The following CCDC14 variants were observed in gnomAD, a reference collection of about 807,000 sequenced individuals.
CCDC14 encodes coiled-coil domain containing 14.
Under a neutral mutation model 81.4 loss-of-function variants are expected in CCDC14, and 71 were observed. The observed-to-expected ratio is 0.87, with a 90% CI of 0.72 to 1.06. The LOEUF is 1.06. Ranked by LOEUF, CCDC14 falls within the 50% of genes least tolerant of loss-of-function variation. The pLI is 0.00. For missense variants in CCDC14, 1,046 were observed against 1,047.3 expected, an observed-to-expected ratio of 1.00 and a Z score of 0.02; for synonymous variants, 332 against 364.8, an observed-to-expected ratio of 0.91 and a Z score of 1.03.
chr3:123,898,818 G>T (rs1367034000), intron 5 of CCDC14, among the ~76,000 whole-genome samples: 1 of 151,916 alleles, frequency 6.6e-6, no homozygotes, highest in African/African-American at 2.4e-5. Flanking sequence ...CTCCTGAGTA[G>T]CTGCGATTAC....
At chr3:123,885,941 T>TA in the CCDC14 span, among the ~76,000 whole-genome samples, 1 of 151,760 alleles carries the variant, frequency 6.6e-6, no homozygotes, top group Non-Finnish European at 1.5e-5. Context: ...TGCTTTTTTT[T>TA]AAAAAAATTA....
chr3:123,948,386 C>T (rs1190724196), intron 7 of CCDC14, among the ~76,000 whole-genome samples: 17 of 152,026 alleles, frequency 1.1e-4, no homozygotes, highest in Admixed American at 1.1e-3. Context: ...GGATTACAGG[C>T]ATGTGCCACC....
chr3:123,929,491 C>A (rs1203985247), intron 12 of CCDC14, among the ~76,000 whole-genome samples: 1 of 151,842 alleles, frequency 6.6e-6, no homozygotes, highest in Non-Finnish European at 1.5e-5. Flanking sequence ...TTTGTAGAGA[C>A]AGGGTTTTGC....
intron 9 of CCDC14, among the ~76,000 whole-genome samples, chr3:123,938,273 CTT>C (rs2036166201): frequency 6.6e-6 from 1 of 151,848 alleles, no homozygotes; most frequent in Non-Finnish European, 1.5e-5. Context: ...TTATCTCTCA[CTT>C]ATACTGATCT....
chr3:123,911,236 T>C (rs1156295712), downstream of CCDC14, among the ~76,000 whole-genome samples: 1 of 152,192 alleles, frequency 6.6e-6, no homozygotes, highest in Non-Finnish European at 1.5e-5. Flanking sequence ...CTGGTAATTC[T>C]ATGGGAGGGT....
chr3:123,931,047 T>TA lies in CCDC14; in HGVS notation c.1778+54dup, dbSNP rs573278986. ...AGGTCTAACATTATTTTGAAGTTTATAAAAACATCTAAAAATAAAAAAGGC... is the reference window on the plus strand; with the variant it reads ...AGGTCTAACATTATTTTGAAGTTTATAAAAAACATCTAAAAATAAAAAAGGC... On this transcript the variant is annotated intron_variant, in intron 12 of 12. Coordinates refer to ENST00000409697, the MANE Select transcript of CCDC14 (RefSeq NM_001366335.1). 1,297 of 1,438,436 alleles carry TA rather than the reference T, an allele frequency of 9.0e-4. 26 individuals carry two copies. The South Asian group carries it at 0.019, about 21-fold the overall frequency. The allele number at this position is 1,438,436 out of a possible 1,614,324, so 89.1% of individuals were successfully genotyped here.
intron 5 of CCDC14, among the ~76,000 whole-genome samples, chr3:123,900,211 G>A (rs2034151287): frequency 6.6e-6 from 1 of 152,122 alleles, no homozygotes; most frequent in Non-Finnish European, 1.5e-5. Context: ...ATAAGAACAA[G>A]GTAGAATTTT....
intron 12 of CCDC14, among the ~76,000 whole-genome samples, chr3:123,920,592 C>T (rs1453110384): frequency 6.6e-6 from 1 of 152,176 alleles, no homozygotes; most frequent in Admixed American, 6.5e-5. Flanking sequence ...ATACTTTATC[C>T]AGCAAAACTG....
intron 7 of CCDC14, among the ~76,000 whole-genome samples, chr3:123,948,348 TCTC>T (rs1419386720): frequency 2.0e-5 from 3 of 151,976 alleles, no homozygotes; most frequent in Non-Finnish European, 2.9e-5. Context: ...TTCAAGTAAT[TCTC>T]CTGCCTCAGC....
At chr3:123,891,922 T>A in the CCDC14 span, among the ~76,000 whole-genome samples, 2 of 152,166 alleles carry the variant, frequency 1.3e-5, no homozygotes, top group Non-Finnish European at 2.9e-5. Context: ...GGACTTACAG[T>A]TACTCATGGC....
At chr3:123,951,115 C>T (rs772204875) in intron 5 of CCDC14, among the ~76,000 whole-genome samples, 49 of 152,232 alleles carry the variant, frequency 3.2e-4, no homozygotes, top group Non-Finnish European at 2.4e-4. Flanking sequence ...AGTAACCTTG[C>T]GCAAATTAAC....
At chr3:123,941,741 T>C (rs1003759723) in intron 9 of CCDC14, among the ~76,000 whole-genome samples, 2 of 152,066 alleles carry the variant, frequency 1.3e-5, no homozygotes, top group Non-Finnish European at 2.9e-5. Flanking sequence ...AGTTGAAGAA[T>C]TAGGTCAGAC....
chr3:123,927,808 A>AT (rs1310063328), intron 12 of CCDC14, among the ~76,000 whole-genome samples: 1 of 152,166 alleles, frequency 6.6e-6, no homozygotes, highest in Admixed American at 6.5e-5. Flanking sequence ...GAAAAAAAAA[A>AT]GGCTCCAGTT....
the CCDC14 span, among the ~76,000 whole-genome samples, chr3:123,889,366 C>T: frequency 5.6e-3 from 852 of 152,138 alleles, 9 homozygotes; most frequent in Admixed American, 0.028. Flanking sequence ...GAGCCAAGAT[C>T]GTGATACTGC....
At position 123,961,189 on chromosome 3, in the gene CCDC14, A is replaced by G; in HGVS notation, c.-16T>C. On this transcript the variant is annotated 5_prime_UTR_variant, in exon 1 of 13. Transcript: ENST00000409697. ...ACCTGACCATCTCTCGCCGCCTCAG[A>G]GAAGCCCAGACCGAGGGAAGTGAAG... The G allele has an allele frequency of 1.3e-6, 2 of 1,551,616 alleles. No homozygotes were observed. The highest frequency in any genetic ancestry group is 2.4e-5 in the South Asian group (2 of 84,062).
intron 12 of CCDC14, among the ~76,000 whole-genome samples, chr3:123,920,298 G>A (rs1370386379): frequency 6.6e-6 from 1 of 152,160 alleles, no homozygotes; most frequent in Non-Finnish European, 1.5e-5. Flanking sequence ...GTGCCTGAAG[G>A]AGAAGAGAGA....
chr3:123,933,519 T>A, intron 10 of CCDC14, 154 bp downstream of exon 10: 1 of 587,260 alleles, frequency 1.7e-6, no homozygotes, highest in Non-Finnish European at 3.0e-6. Context: ...CAAAAAAAGG[T>A]GTATATTATT....
chr3:123,941,906 G>T (rs2036370609), intron 9 of CCDC14, among the ~76,000 whole-genome samples: 1 of 151,954 alleles, frequency 6.6e-6, no homozygotes. Flanking sequence ...ATTTTCCATG[G>T]TGACAATGTT....
rs958790246 is a variant in CCDC14 at position 123,936,376 on chromosome 3, C to CT, written c.1344-2622dup. Reference sequence around the variant, plus strand: ...AAATATTTCTTTTATTCAAGTCATTCTTTTTTTTTTAGACAGCTTGAGATA... The same window carrying CT: ...AAATATTTCTTTTATTCAAGTCATTCTTTTTTTTTTTAGACAGCTTGAGATA... On this transcript the variant is annotated intron_variant, in intron 9 of 12. Transcript: ENST00000409697. Among the ~76,000 whole-genome samples, 32 of 147,770 alleles carry CT rather than the reference C, an allele frequency of 2.2e-4. 1 individual carries two copies. Among genetic ancestry groups the CT allele is most frequent in the Admixed American group, 6.1e-4 (9 of 14,776 alleles).
Sources: allele counts gnomAD v4.1 joint callset (sites outside exome capture counted in the v4.1 genomes callset), GRCh38; gene constraint gnomAD v4.1.1; transcripts MANE v1.5; gene names NCBI Gene and HGNC (gene_info 2026-07-23, HGNC 2026-07-21).